The following STX8 variants were observed in gnomAD, a reference collection of about 807,000 sequenced individuals.
STX8 encodes the protein syntaxin 8.
Under a neutral mutation model 37.5 loss-of-function variants are expected in STX8, and 23 were observed. The observed-to-expected ratio is 0.61, with a 90% CI of 0.44 to 0.87. The LOEUF is 0.87. Among genes scored for constraint, STX8 ranks in the 40% least tolerant of loss-of-function variants. STX8 has a pLI of 0.00. For missense variants in STX8, 313 were observed against 284.7 expected (o/e 1.10, Z -0.71); for synonymous variants, 115 against 99.1 (o/e 1.16, Z -0.95).
chr17:9,564,127 C>A (rs1907361353), intron 2 of STX8, among the ~76,000 whole-genome samples: 1 of 152,138 alleles, frequency 6.6e-6, no homozygotes, highest in African/African-American at 2.4e-5. Flanking sequence ...AACCCACAGC[C>A]AACATCATAC....
intron 7 of STX8, among the ~76,000 whole-genome samples, chr17:9,307,853 G>T (rs72814199): frequency 6.6e-6 from 1 of 152,030 alleles, no homozygotes; most frequent in Admixed American, 6.6e-5. Flanking sequence ...GCTGGTCTTA[G>T]AAGCTAGAAC....
At chr17:9,558,651 G>A (rs868407345) in intron 2 of STX8, among the ~76,000 whole-genome samples, 1 of 151,906 alleles carries the variant, frequency 6.6e-6, no homozygotes, top group Non-Finnish European at 1.5e-5. Context: ...GTGAAACCCC[G>A]TCTCTACTAA....
chr17:9,484,442 G>T (rs1906489807), intron 6 of STX8, among the ~76,000 whole-genome samples: 1 of 151,864 alleles, frequency 6.6e-6, no homozygotes, highest in Admixed American at 6.6e-5. Context: ...TGAGGTGGGG[G>T]TTGGAGGAGG....
Position 9,491,885 on chromosome 17 carries a change from A to C in STX8, c.485T>G (p.Ile162Arg). Residue 162 changes from isoleucine to arginine, a missense_variant, in exon 6 of 8, where the codon ATA becomes AGA. Physicochemically the swap from Ile to Arg is moderately conservative, Grantham distance 97. Coordinates refer to ENST00000306357, the MANE Select transcript of STX8 (RefSeq NM_004853.3). Reference sequence around the variant, plus strand: ...CTGCCCCATTTGTTTTTGGCGACTTATGATAGAGGAAAGGGCATCAAGGCC... The same window carrying C: ...CTGCCCCATTTGTTTTTGGCGACTTCTGATAGAGGAAAGGGCATCAAGGCC... ...DAGLDALSSIISRQKQMGQEI... is the reference protein window; with the variant it reads ...DAGLDALSSIRSRQKQMGQEI... 6.2e-7 allele frequency: 1 copy of C among 1,613,928 alleles called. No individual in the cohort carries two copies. Among genetic ancestry groups the C allele is most frequent in the Non-Finnish European group, 8.5e-7 (1 of 1,179,972 alleles).
Position 9,568,368 on chromosome 17 carries a change from T to C in STX8, c.117+3A>G. 1 of 1,607,770 alleles carries C rather than the reference T, an allele frequency of 6.2e-7. No homozygotes were observed. The highest frequency in any genetic ancestry group is 1.1e-5 in the South Asian group (1 of 90,576). ...TTGGGTACTAATTCCTTCATGGTAT[T>C]ACCTTTGGTGCCTTTTCACCTTTTC... is the stretch of plus-strand genomic sequence containing the variant. On this transcript the variant is annotated splice_donor_region_variant and intron_variant, in intron 2 of 7. Transcript: ENST00000306357.
At chr17:9,463,800 T>TG (rs2142424861) in intron 6 of STX8, among the ~76,000 whole-genome samples, 1 of 151,490 alleles carries the variant, frequency 6.6e-6, no homozygotes, top group East Asian at 1.9e-4. Context: ...CCCAACTACT[T>TG]GGGAGGCTGA....
At chr17:9,473,708 G>A (rs1054762080) in intron 6 of STX8, among the ~76,000 whole-genome samples, 1 of 152,142 alleles carries the variant, frequency 6.6e-6, no homozygotes, top group African/African-American at 2.4e-5. Flanking sequence ...CATGGATGCG[G>A]AACCCACAGA....
chr17:9,542,802 T>C (rs115359821), intron 4 of STX8, among the ~76,000 whole-genome samples: 1,704 of 152,336 alleles, frequency 0.011, 36 homozygotes, highest in African/African-American at 0.038. Flanking sequence ...GTTTTAATTC[T>C]GTAGTTTGGG....
At position 9,567,104 on chromosome 17, in the gene STX8, G is replaced by A. The variant is rs1907491144; in HGVS notation, c.117+1267C>T. 6.6e-5 allele frequency among the ~76,000 whole-genome samples: 10 copies of A among 152,138 alleles called. 1 individual carries two copies. In the South Asian group the frequency reaches 2.1e-3, roughly 31 times the overall value. On this transcript the variant is annotated intron_variant, in intron 2 of 7. Coordinates refer to ENST00000306357, the MANE Select transcript of STX8 (RefSeq NM_004853.3). ...GATATAAGAGAGAGCTAACTGGTGA[G>A]AACATATGGATACATAGGGGGACAT...
intron 6 of STX8, among the ~76,000 whole-genome samples, chr17:9,488,876 G>T (rs576127551): frequency 1.3e-5 from 2 of 151,966 alleles, no homozygotes; most frequent in East Asian, 3.9e-4. Flanking sequence ...GGTCACGTGT[G>T]TGTGTGTGTG....
chr17:9,528,600 G>C (rs1323864348), intron 4 of STX8, among the ~76,000 whole-genome samples: 2 of 152,124 alleles, frequency 1.3e-5, no homozygotes, highest in East Asian at 1.9e-4. Flanking sequence ...GAGCCACTGC[G>C]CCTGGCTTTT....
intron 6 of STX8, among the ~76,000 whole-genome samples, chr17:9,435,907 CAA>C: frequency 6.6e-6 from 1 of 151,692 alleles, no homozygotes; most frequent in East Asian, 1.9e-4. Context: ...ATTTTAAAAA[CAA>C]AAGAGTGGTA....
intron 6 of STX8, among the ~76,000 whole-genome samples, chr17:9,388,070 AT>A (rs573146328): frequency 0.029 from 3,838 of 130,290 alleles, 127 homozygotes; most frequent in African/African-American, 0.089. Flanking sequence ...AAACAACTCT[AT>A]TTTTTTTTTT....
intron 7 of STX8, among the ~76,000 whole-genome samples, chr17:9,357,969 A>G (rs1281316260): frequency 6.6e-6 from 1 of 152,184 alleles, no homozygotes; most frequent in East Asian, 1.9e-4. Context: ...GACTGCTACA[A>G]AAATAAGAAA....
chr17:9,560,449 A>C (rs1907187282), intron 2 of STX8, among the ~76,000 whole-genome samples: 2 of 151,666 alleles, frequency 1.3e-5, no homozygotes, highest in Non-Finnish European at 2.9e-5. Context: ...ATTAGTCATA[A>C]AGTGAAAAAA....
At chr17:9,427,806 G>A (rs1286774843) in intron 6 of STX8, among the ~76,000 whole-genome samples, 2 of 152,126 alleles carry the variant, frequency 1.3e-5, no homozygotes, top group African/African-American at 4.8e-5. Flanking sequence ...AAAGCGCTGG[G>A]TGCAGGCACT....
chr17:9,269,174 A>G (rs985627762), intron 7 of STX8, among the ~76,000 whole-genome samples: 18 of 144,926 alleles, frequency 1.2e-4, no homozygotes, highest in Middle Eastern at 3.5e-3. Context: ...GCGATAGAGC[A>G]AGACTCCGTC....
chr17:9,339,326 G>T (rs1389819390), intron 7 of STX8, among the ~76,000 whole-genome samples: 2 of 152,028 alleles, frequency 1.3e-5, no homozygotes, highest in African/African-American at 2.4e-5. Context: ...AACCAATCAA[G>T]AAAACTTCTA....
chr17:9,438,441 G>C (rs1053195041), intron 6 of STX8, among the ~76,000 whole-genome samples: 5 of 151,790 alleles, frequency 3.3e-5, no homozygotes, highest in Admixed American at 3.3e-4. Context: ...TCCTGAACCA[G>C]TATCTGTCTT....
Sources: gnomAD v4.1 joint callset for allele counts (sites outside exome capture counted in the v4.1 genomes callset) on GRCh38, gnomAD v4.1.1 for gene constraint, MANE v1.5 for transcripts, NCBI Gene and HGNC (gene_info 2026-07-23, HGNC 2026-07-21) for gene names.